The following GRIP2 variants were observed in gnomAD, a reference collection of about 807,000 sequenced individuals.
GRIP2 encodes glutamate receptor-interacting protein 2.
Under a neutral mutation model 108.3 loss-of-function variants are expected in GRIP2, and 58 were observed. The observed-to-expected ratio is 0.54, with a 90% CI of 0.43 to 0.67. GRIP2 has a LOEUF of 0.67. Among genes scored for constraint, GRIP2 ranks in the 30% least tolerant of loss-of-function variants. GRIP2 has a pLI of 0.00. For missense variants in GRIP2, 1,278 were observed against 1,430.6 expected (o/e 0.89, Z 1.72); for synonymous variants, 586 against 598.2 (o/e 0.98, Z 0.30).
chr3:14,573,945 G>A, the GRIP2 span: 1 of 1,101,428 alleles, frequency 9.1e-7, no homozygotes, highest in Admixed American at 1.9e-5. Flanking sequence ...CTCGCGCCCT[G>A]CGCGAATGAA....
chr3:14,585,737 G>A, the GRIP2 span, among the ~76,000 whole-genome samples: 2 of 151,914 alleles, frequency 1.3e-5, no homozygotes, highest in Non-Finnish European at 2.9e-5. Context: ...CTGCATACCA[G>A]GCACTGACTG....
chr3:14,506,103 C>A (rs761330461), intron 19 of GRIP2, among the ~76,000 whole-genome samples: 1 of 152,234 alleles, frequency 6.6e-6, no homozygotes, highest in Non-Finnish European at 1.5e-5. Flanking sequence ...GAAGGTCCAG[C>A]CCCAGGGAGT....
the GRIP2 span, among the ~76,000 whole-genome samples, chr3:14,580,105 T>C: frequency 6.6e-6 from 1 of 152,206 alleles, no homozygotes; most frequent in Admixed American, 6.5e-5. Context: ...CAGGACTTCA[T>C]GTTGGTCCCT....
In GRIP2 at chr3:14,525,485, T is replaced by G; in HGVS notation, c.209A>C (p.Asp70Ala). 6.2e-7 allele frequency: 1 copy of G among 1,613,606 alleles called. No individual in the cohort carries two copies. Among genetic ancestry groups the G allele is most frequent in the South Asian group, 1.1e-5 (1 of 91,068 alleles). ...GLTISGGTDK[D>A]GKPRVSNLRP... Reference sequence around the variant, plus strand: ...CAGGTTGGAGACCCTGGGCTTTCCATCCTTGTCGGTGCCACCTGAGATAGT... The same window carrying G: ...CAGGTTGGAGACCCTGGGCTTTCCAGCCTTGTCGGTGCCACCTGAGATAGT... Residue 70 changes from aspartate to alanine, a missense_variant, in exon 3 of 24, where the codon GAT becomes GCT. By Grantham distance (126) the Asp-to-Ala change is moderately radical. Coordinates refer to ENST00000621039, the MANE Select transcript of GRIP2 (RefSeq NM_001080423.4).
At chr3:14,571,575 C>A in the GRIP2 span, among the ~76,000 whole-genome samples, 1 of 152,110 alleles carries the variant, frequency 6.6e-6, no homozygotes, top group East Asian at 1.9e-4. Flanking sequence ...GGGCCTCAGG[C>A]CTGAAGAATG....
At chr3:14,554,299 C>G (rs1049621862) in intron 1 of GRIP2, among the ~76,000 whole-genome samples, 4 of 152,206 alleles carry the variant, frequency 2.6e-5, no homozygotes, top group African/African-American at 9.6e-5. Flanking sequence ...GATGCAGAGC[C>G]TGATCCACAG....
rs551194637 is a variant in GRIP2 at position 14,547,166 on chromosome 3, G to A, written c.55+8734C>T. 3.3e-5 allele frequency among the ~76,000 whole-genome samples: 5 copies of A among 152,202 alleles called. No individual in the cohort carries two copies. In the South Asian group the frequency reaches 8.3e-4, roughly 25 times the overall value. ...GTGTCACATTAAAGAAAGAAAGGAG[G>A]GGAGAAAGGGAGGGAGGAAAGATGG... On this transcript the variant is annotated intron_variant, in intron 1 of 23. Transcript: ENST00000637182.
chr3:14,514,289 C>T lies in GRIP2; in HGVS notation c.1493+3G>A. The T allele has an allele frequency of 6.5e-7, 1 of 1,548,330 alleles. No individual in the cohort carries two copies. Among genetic ancestry groups the T allele is most frequent in the Non-Finnish European group, 8.7e-7 (1 of 1,146,524 alleles). On this transcript the variant is annotated splice_donor_region_variant and intron_variant, in intron 12 of 23. Transcript: ENST00000621039. ...CTCAGTAGGGAGGGGGCAGGAGGCT[C>T]ACCTCTCAGCCGGACTGTCAGGCTC...
At chr3:14,585,125 A>G in the GRIP2 span, among the ~76,000 whole-genome samples, 1 of 152,190 alleles carries the variant, frequency 6.6e-6, no homozygotes, top group Non-Finnish European at 1.5e-5. Context: ...CCCGGGTTCA[A>G]ACGATTCTCC....
At chr3:14,556,201 G>A, upstream of GRIP2, 1 of 386,248 alleles carries the variant, frequency 2.6e-6, no homozygotes, top group Non-Finnish European at 4.6e-6. Flanking sequence ...GGATGTTCTA[G>A]CCTCTGCAGC....
rs112722611 is a variant in GRIP2, at chr3:14,516,984, G to A, written c.1306+80C>T. 283 of 1,318,054 alleles carry A rather than the reference G, an allele frequency of 2.1e-4. 1 individual carries two copies. In the South Asian group the frequency reaches 4.0e-3, roughly 18 times the overall value. The allele number at this position is 1,318,054 out of a possible 1,614,324, so 81.6% of individuals were successfully genotyped here. ...AGCTCTGCCCAAAATACCTCCCCTC[G>A]CCCTGACATACACCCTTTGGCAAGC... On this transcript the variant is annotated intron_variant, in intron 11 of 23. Coordinates refer to ENST00000621039, the MANE Select transcript of GRIP2 (RefSeq NM_001080423.4).
chr3:14,524,224 T>C (rs1694489324), intron 4 of GRIP2, 169 bp downstream of exon 4: 2 of 674,798 alleles, frequency 3.0e-6, no homozygotes, highest in Admixed American at 5.9e-5. Flanking sequence ...GACAGCATAC[T>C]GCGGTTGTAG....
At chr3:14,506,184 C>T (rs531710859) in intron 19 of GRIP2, among the ~76,000 whole-genome samples, 13 of 152,320 alleles carry the variant, frequency 8.5e-5, no homozygotes, top group African/African-American at 2.6e-4. Context: ...TGTCCGCAGG[C>T]AAGAACGGGC....
chr3:14,600,100 A>C, the GRIP2 span, among the ~76,000 whole-genome samples: 1 of 152,298 alleles, frequency 6.6e-6, no homozygotes, highest in East Asian at 1.9e-4. Flanking sequence ...CATGGTAGAC[A>C]CAAACCTACT....
chr3:14,601,396 T>C, the GRIP2 span, among the ~76,000 whole-genome samples: 22 of 152,144 alleles, frequency 1.4e-4, no homozygotes, highest in East Asian at 2.5e-3. Flanking sequence ...CTCCGTTGAG[T>C]AGAGGCACTC....
chr3:14,597,812 C>A, the GRIP2 span, among the ~76,000 whole-genome samples: 2 of 152,204 alleles, frequency 1.3e-5, no homozygotes, highest in African/African-American at 4.8e-5. Flanking sequence ...GGCAATTCTG[C>A]ATGCTGACAT....
At position 14,522,898 on chromosome 3, in the gene GRIP2, C is replaced by T. The variant is rs540237219; in HGVS notation, c.566+102G>A. 180 of 959,342 alleles carry T rather than the reference C, an allele frequency of 1.9e-4. No homozygotes were observed. The highest frequency in any genetic ancestry group is 2.6e-4 in the Non-Finnish European group (154 of 589,198). 59.4% of individuals were successfully genotyped at this position (959,342 alleles called of 1,614,324 possible). On this transcript the variant is annotated intron_variant, in intron 6 of 23. Transcript: ENST00000621039. This position sits in a 1 kb window ranked among gnomAD's most constrained non-coding sequence, Gnocchi z 4.3. The stretch of plus-strand genomic sequence containing the variant: ...GGGAGTGTTCCCTCAGGGCCTCGAT[C>T]TCTTCATCTGGGGAAGGGGCATGGT...
intron 1 of GRIP2, among the ~76,000 whole-genome samples, chr3:14,529,772 C>T (rs1694661208): frequency 6.6e-6 from 1 of 152,102 alleles, no homozygotes; most frequent in African/African-American, 2.4e-5. Context: ...GATGACTCTC[C>T]CTTACAGTAG....
the GRIP2 span, among the ~76,000 whole-genome samples, chr3:14,593,545 T>C: frequency 6.6e-6 from 1 of 152,124 alleles, no homozygotes; most frequent in Admixed American, 6.5e-5. Flanking sequence ...CTCCTATAGT[T>C]CTCCCAAGAT....
Sources: gnomAD v4.1 joint callset for allele counts (sites outside exome capture counted in the v4.1 genomes callset) on GRCh38, gnomAD v4.1.1 for gene constraint, Gnocchi (gnomAD v3.1) non-coding constraint, MANE v1.5 for transcripts, NCBI Gene and HGNC (gene_info 2026-07-23, HGNC 2026-07-21) for gene names.